ZNF407: variants seen among roughly 807,000 people sequenced by gnomAD.
ZNF407 encodes the protein zinc finger protein 407.
A neutral mutation model predicts 131.2 loss-of-function variants in ZNF407; 17 were observed. That is an observed-to-expected ratio of 0.13 (90% CI 0.09 to 0.19). The LOEUF (loss-of-function observed/expected upper bound fraction) is 0.19. Among genes scored for constraint, ZNF407 ranks in the 10% least tolerant of loss-of-function variants. The probability of loss-of-function intolerance (pLI) is 1.00; values close to 1 mark genes in which losing one functional copy is unlikely to be tolerated. For missense variants in ZNF407, 2,681 were observed against 2,830.6 expected, an observed-to-expected ratio of 0.95 and a Z score of 1.20; for synonymous variants, 1,156 against 1,062.0, an observed-to-expected ratio of 1.09 and a Z score of -1.72.
chr18:74,831,968 G>A (rs771960990), intron 4 of ZNF407, among the ~76,000 whole-genome samples: 18 of 152,168 alleles, frequency 1.2e-4, no homozygotes, highest in African/African-American at 3.1e-4. Flanking sequence ...TGACAAGCCC[G>A]CTGTCAGTCT....
chr18:74,911,532 G>GT (rs1327223769), intron 7 of ZNF407, among the ~76,000 whole-genome samples: 1 of 152,068 alleles, frequency 6.6e-6, no homozygotes, highest in Non-Finnish European at 1.5e-5. Flanking sequence ...TAATTCAACT[G>GT]TTTTGTGTTG....
In ZNF407 at chr18:75,064,056, C is replaced by T. The variant is rs2122300831; in HGVS notation, c.6335C>T (p.Ala2112Val). The change falls in exon 9 of 9, where the codon GCC becomes GTC. Residue 2112 changes from alanine to valine, a missense_variant. Physicochemically the swap from Ala to Val is moderately conservative, Grantham distance 64. Transcript: ENST00000299687. ...VTQVVVSEEG[A>V]VHMVAGEGAQ... ...CAGGTGGTGGTGAGCGAAGAGGGTG[C>T]CGTCCACATGGTCGCCGGGGAGGGT... is the stretch of plus-strand genomic sequence containing the variant. The T allele has an allele frequency of 6.3e-7, 1 of 1,594,486 alleles. No homozygotes were observed. Among genetic ancestry groups the T allele is most frequent in the South Asian group, 1.1e-5 (1 of 88,150 alleles).
At chr18:74,729,667 C>G (rs754811674) in intron 3 of ZNF407, among the ~76,000 whole-genome samples, 1 of 152,186 alleles carries the variant, frequency 6.6e-6, no homozygotes, top group African/African-American at 2.4e-5. Flanking sequence ...TAAAATATCA[C>G]TGGCATACAA....
rs143788072 is a variant in ZNF407, at chr18:74,997,734, T to C, written c.5429-65416T>C. Among the ~76,000 whole-genome samples, 423 of 152,246 alleles carry C rather than the reference T, an allele frequency of 2.8e-3. 2 individuals carry two copies. The highest frequency in any genetic ancestry group is 9.3e-3 in the African/African-American group (387 of 41,542). ...CTATAAAGGCTGGGGTTCTAAGCAT[T>C]TGTTTCATGGTGAAAAGTGGATTCA... On this transcript the variant is annotated intron_variant, in intron 8 of 8. Coordinates refer to ENST00000299687, the MANE Select transcript of ZNF407 (RefSeq NM_017757.3).
At chr18:74,957,293 G>A (rs1240503266) in intron 8 of ZNF407, among the ~76,000 whole-genome samples, 2 of 152,118 alleles carry the variant, frequency 1.3e-5, no homozygotes, top group African/African-American at 2.4e-5. Flanking sequence ...GTCAGCCCAC[G>A]CCCCTCAGCC....
chr18:74,911,921 C>T (rs1023437996), intron 7 of ZNF407, among the ~76,000 whole-genome samples: 3 of 152,094 alleles, frequency 2.0e-5, no homozygotes, highest in Non-Finnish European at 2.9e-5. Flanking sequence ...GCTCTTTGGG[C>T]GGTGGGTTGT....
chr18:74,979,681 A>G (rs2145312051), intron 8 of ZNF407, among the ~76,000 whole-genome samples: 1 of 152,364 alleles, frequency 6.6e-6, no homozygotes, highest in South Asian at 2.1e-4. Context: ...GAAAAAGGAC[A>G]TGATTGAAAG....
chr18:74,755,775 C>CTTTCTTTCTTTCTTTCTT (rs1454993539), intron 3 of ZNF407, among the ~76,000 whole-genome samples: 13 of 15,048 alleles, frequency 8.6e-4, no homozygotes, highest in African/African-American at 1.0e-3. Flanking sequence ...CTTTCTTTCT[C>CTTTCTTTCTTTCTTTCTT]TCTCTCTCTT....
intron 4 of ZNF407, among the ~76,000 whole-genome samples, chr18:74,810,940 G>T (rs1599170207): frequency 2.0e-5 from 3 of 152,196 alleles, no homozygotes; most frequent in Admixed American, 2.0e-4. Flanking sequence ...CATAGGCATG[G>T]GCAAGGACTT....
chr18:74,806,852 A>G (rs17832851), intron 4 of ZNF407, among the ~76,000 whole-genome samples: 25,960 of 152,234 alleles, frequency 0.17, 2,548 homozygotes, highest in Non-Finnish European at 0.22. Context: ...TGTAGAAGCT[A>G]TTCTAGGACT....
Position 74,634,101 on chromosome 18 carries a change from T to A in ZNF407, c.3082T>A (p.Ser1028Thr). ...KCLHCEFSAH[S>T]SASLELHVKR... ...TTTGCACTGTGAGTTTAGTGCTCAC[T>A]CCTCTGCTTCTCTAGAGCTGCATGT... Residue 1028 changes from serine (S) to threonine (T), a missense_variant, in exon 2 of 9, where the codon TCC becomes ACC. Ser to Thr is a moderately conservative substitution (Grantham distance 58, BLOSUM62 1). Transcript: ENST00000299687. 1 of 1,614,048 alleles carries A rather than the reference T, an allele frequency of 6.2e-7. No homozygotes were observed. The highest frequency in any genetic ancestry group is 1.1e-5 in the South Asian group (1 of 91,080).
At chr18:74,990,497 A>T (rs1049345032) in intron 8 of ZNF407, among the ~76,000 whole-genome samples, 1 of 152,352 alleles carries the variant, frequency 6.6e-6, no homozygotes, top group Non-Finnish European at 1.5e-5. Flanking sequence ...GAAACTGTAT[A>T]TGACAACAGA....
intron 8 of ZNF407, among the ~76,000 whole-genome samples, chr18:75,051,867 A>G (rs1973504895): frequency 6.6e-6 from 1 of 152,226 alleles, no homozygotes; most frequent in South Asian, 2.1e-4. Flanking sequence ...ACCACATGTC[A>G]TCAGAACTCA....
chr18:74,803,866 G>A, intron 4 of ZNF407: 1 of 1,302,392 alleles, frequency 7.7e-7, no homozygotes, highest in Non-Finnish European at 1.1e-6. Flanking sequence ...TTTCAAAAAG[G>A]TCAGGAATGA....
At chr18:74,884,030 C>T (rs1335506317) in intron 6 of ZNF407, among the ~76,000 whole-genome samples, 5 of 152,100 alleles carry the variant, frequency 3.3e-5, no homozygotes, top group Non-Finnish European at 5.9e-5. Flanking sequence ...TTTATGCATC[C>T]GTTTGCCTTT....
chr18:75,033,240 G>C (rs1244919198), intron 8 of ZNF407, among the ~76,000 whole-genome samples: 4 of 131,662 alleles, frequency 3.0e-5, no homozygotes, highest in East Asian at 2.5e-4. Flanking sequence ...ATAACTGAGA[G>C]TGCTCGGAAT....
At chr18:74,730,626 C>T (rs1968272766) in intron 3 of ZNF407, among the ~76,000 whole-genome samples, 1 of 152,150 alleles carries the variant, frequency 6.6e-6, no homozygotes, top group Non-Finnish European at 1.5e-5. Flanking sequence ...TCTTGTTCAA[C>T]ATTGATTACA....
intron 8 of ZNF407, among the ~76,000 whole-genome samples, chr18:75,013,848 T>A (rs1279842261): frequency 6.6e-6 from 1 of 152,082 alleles, no homozygotes; most frequent in Non-Finnish European, 1.5e-5. Context: ...GATATTTGCC[T>A]TCTAGAATTA....
At chr18:74,784,706 G>A (rs1568214434) in intron 4 of ZNF407, among the ~76,000 whole-genome samples, 1 of 152,182 alleles carries the variant, frequency 6.6e-6, no homozygotes, top group Admixed American at 6.5e-5. Flanking sequence ...AAGTTCATTT[G>A]AAAGTATTCG....
Sources: gnomAD v4.1 joint callset for allele counts (sites outside exome capture counted in the v4.1 genomes callset) on GRCh38, gnomAD v4.1.1 for gene constraint, MANE v1.5 for transcripts, NCBI Gene and HGNC (gene_info 2026-07-23, HGNC 2026-07-21) for gene names.